RASSF3: variants seen among roughly 807,000 people sequenced by gnomAD.
The protein encoded by RASSF3 is ras association domain-containing protein 3.
RASSF3 carries 19 observed loss-of-function variants against 19.9 expected under a neutral mutation model. That is an observed-to-expected ratio of 0.96 (90% CI 0.67 to 1.40). The LOEUF (loss-of-function observed/expected upper bound fraction) is 1.40, where lower values mean the gene tolerates loss of function less well. Ranked by LOEUF, RASSF3 falls within the 40% of genes most tolerant of loss-of-function variation. The pLI is 0.00. For synonymous variants in RASSF3, 110 were observed against 104.2 expected (o/e 1.06, Z -0.34); for missense variants, 306 against 289.8 (o/e 1.06, Z -0.41).
chr12:64,660,535 T>C (rs1323708284), intron 1 of RASSF3, among the ~76,000 whole-genome samples: 3 of 152,182 alleles, frequency 2.0e-5, no homozygotes, highest in Non-Finnish European at 4.4e-5. Flanking sequence ...TAAGGAAGAT[T>C]AATACTTTGA....
chr12:64,679,294 C>G (rs1001696039), intron 1 of RASSF3, among the ~76,000 whole-genome samples: 1 of 152,186 alleles, frequency 6.6e-6, no homozygotes, highest in Non-Finnish European at 1.5e-5. Flanking sequence ...CTCCTGACCT[C>G]GTGATCCACC....
chr12:64,512,220 G>A (rs1207271808), intron 1 of RASSF3, among the ~76,000 whole-genome samples: 1 of 152,204 alleles, frequency 6.6e-6, no homozygotes, highest in East Asian at 1.9e-4. Flanking sequence ...AGGGTAGGGT[G>A]TAACCTCCTA....
At chr12:64,651,606 C>T (rs1305602462) in intron 1 of RASSF3, among the ~76,000 whole-genome samples, 1 of 152,100 alleles carries the variant, frequency 6.6e-6, no homozygotes, top group African/African-American at 2.4e-5. Flanking sequence ...GTGATTCACC[C>T]TCCTCGGCCT....
At chr12:64,681,553 A>C (rs980896264) in intron 1 of RASSF3, among the ~76,000 whole-genome samples, 1 of 152,174 alleles carries the variant, frequency 6.6e-6, no homozygotes, top group African/African-American at 2.4e-5. Context: ...ATGAGATTTT[A>C]AGTCCCTTAT....
At chr12:64,596,441 C>T (rs983660592) in intron 2 of RASSF3, among the ~76,000 whole-genome samples, 41 of 152,188 alleles carry the variant, frequency 2.7e-4, no homozygotes, top group African/African-American at 9.9e-4. Flanking sequence ...TTATTTGGCT[C>T]ACAGTTCTGC....
intron 1 of RASSF3, among the ~76,000 whole-genome samples, chr12:64,626,555 T>C (rs981032642): frequency 2.6e-5 from 4 of 151,784 alleles, no homozygotes; most frequent in Non-Finnish European, 5.9e-5. Flanking sequence ...TTAGAATTGT[T>C]TTATTTTATT....
At chr12:64,575,624 CTA>C in intron 2 of RASSF3, 1 of 151,994 alleles carries the variant, frequency 6.6e-6, no homozygotes, top group East Asian at 1.9e-4. Flanking sequence ...ATATAGAAGA[CTA>C]TTATGAAAAA....
chr12:64,533,517 T>C (rs1055935855), intron 1 of RASSF3: 5 of 152,234 alleles, frequency 3.3e-5, no homozygotes, highest in African/African-American at 1.2e-4. Context: ...AGTTCATTAA[T>C]AAGCCATTTC....
chr12:64,627,394 T>TG (rs1322366257), intron 1 of RASSF3, among the ~76,000 whole-genome samples: 1 of 152,214 alleles, frequency 6.6e-6, no homozygotes, highest in African/African-American at 2.4e-5. Flanking sequence ...ACTGGTGATT[T>TG]GGGGGAAGAT....
intron 1 of RASSF3, among the ~76,000 whole-genome samples, chr12:64,657,571 G>C (rs1161778662): frequency 6.6e-6 from 1 of 152,224 alleles, no homozygotes; most frequent in African/African-American, 2.4e-5. Flanking sequence ...TTGCCTCTGT[G>C]CCTGCCTTCT....
rs373492056 is a variant in RASSF3 at position 64,584,654 on chromosome 12, A to G, written c.294+42949A>G. Among the ~76,000 whole-genome samples the G allele has an allele frequency of 7.9e-5, 12 of 152,236 alleles. No homozygotes were observed. In the East Asian group the frequency reaches 1.4e-3, roughly 17 times the overall value. On this transcript the variant is annotated intron_variant, in intron 2 of 5. Transcript: ENST00000637125. ...CCAAAGGAAATGCACGCAAACAAAT[A>G]CATTCAGCCAAAGTGTCTAAGAAAG...
At chr12:64,560,332 G>A (rs1001179351) in intron 2 of RASSF3, among the ~76,000 whole-genome samples, 1 of 152,170 alleles carries the variant, frequency 6.6e-6, no homozygotes, top group African/African-American at 2.4e-5. Flanking sequence ...AGGAGAGGAG[G>A]ACCCTTTTTT....
At chr12:64,524,147 G>A (rs1326175575) in intron 1 of RASSF3, among the ~76,000 whole-genome samples, 1 of 151,786 alleles carries the variant, frequency 6.6e-6, no homozygotes, top group African/African-American at 2.4e-5. Flanking sequence ...CTCTTCCTGG[G>A]TTCAAGTGAT....
rs200945136 is a variant in RASSF3, at chr12:64,684,011, T to A, written c.112-776T>A. ...GAAGGAGAGAGAGAGAGAGAGAGAGTGAGTGTGTGTGTGTGTGTGTGTGTG... is the reference window on the plus strand; with the variant it reads ...GAAGGAGAGAGAGAGAGAGAGAGAGAGAGTGTGTGTGTGTGTGTGTGTGTG... On this transcript the variant is annotated intron_variant, in intron 1 of 4. Coordinates refer to ENST00000542104, the MANE Select transcript of RASSF3 (RefSeq NM_178169.4). 6.5e-3 allele frequency among the ~76,000 whole-genome samples: 544 copies of A among 83,174 alleles called. 4 individuals carry two copies. The highest frequency in any genetic ancestry group is 0.017 in the African/African-American group (493 of 28,452). The allele number at this position is 83,174 out of a possible 152,430, so 54.6% of individuals were successfully genotyped here. A position where few individuals can be genotyped will look rare whatever the true frequency, so the allele number is the denominator to read the frequency against.
intron 1 of RASSF3, among the ~76,000 whole-genome samples, chr12:64,663,006 T>C (rs1872423040): frequency 6.6e-6 from 1 of 152,204 alleles, no homozygotes; most frequent in Non-Finnish European, 1.5e-5. Flanking sequence ...ATATATAATG[T>C]ACTGTGCCTT....
rs572793246 is a variant in RASSF3, at chr12:64,697,161, T to C, written c.*2249T>C. 6.6e-6 allele frequency: 1 copy of C among 151,960 alleles called. No individual in the cohort carries two copies. The highest frequency in any genetic ancestry group is 2.1e-4 in the South Asian group (1 of 4,810). 9.4% of individuals were successfully genotyped at this position (151,960 alleles called of 1,614,324 possible). ...CGCTTACTGTCATGTGCACTACAAA[T>C]TGCAATTTGGAAACCTACTGTATTG... On this transcript the variant is annotated 3_prime_UTR_variant, in exon 5 of 5. Transcript: ENST00000542104.
intron 2 of RASSF3, among the ~76,000 whole-genome samples, chr12:64,687,407 G>GTT (rs1233693668): frequency 6.6e-6 from 1 of 151,630 alleles, no homozygotes; most frequent in Non-Finnish European, 1.5e-5. Context: ...GAAGGTAGTT[G>GTT]TTTTTAAGAT....
At chr12:64,538,881 A>G (rs1868885644) in intron 1 of RASSF3, among the ~76,000 whole-genome samples, 1 of 151,926 alleles carries the variant, frequency 6.6e-6, no homozygotes, top group South Asian at 2.1e-4. Context: ...CATCTCTACT[A>G]AAAAATACCA....
At chr12:64,657,263 G>A (rs993240340) in intron 1 of RASSF3, among the ~76,000 whole-genome samples, 16 of 151,890 alleles carry the variant, frequency 1.1e-4, no homozygotes, top group African/African-American at 1.4e-4. Flanking sequence ...CTGCCCACCC[G>A]CAAAGTGCTG....
Sources: allele counts gnomAD v4.1 joint callset (sites outside exome capture counted in the v4.1 genomes callset), GRCh38; gene constraint gnomAD v4.1.1; transcripts MANE v1.5; gene names NCBI Gene and HGNC (gene_info 2026-07-23, HGNC 2026-07-21).